APOC1: variants seen among roughly 807,000 people sequenced by gnomAD.
APOC1 encodes the protein apolipoprotein C1.
APOC1 carries 4 observed loss-of-function variants against 6.7 expected under a neutral mutation model. The observed-to-expected ratio is 0.60, with a 90% CI of 0.29 to 1.37. The LOEUF is 1.37. APOC1 is among the 40% of genes most tolerant of loss of function. The pLI, the probability that APOC1 is intolerant of heterozygous loss-of-function variation, is 0.09. For missense variants in APOC1, 122 were observed against 99.4 expected, an observed-to-expected ratio of 1.23 and a Z score of -0.97; for synonymous variants, 33 against 40.6, an observed-to-expected ratio of 0.81 and a Z score of 0.72.
intron 2 of APOC1, among the ~76,000 whole-genome samples, chr19:44,915,468 G>T (rs1969988007): frequency 6.6e-6 from 1 of 151,562 alleles, no homozygotes; most frequent in East Asian, 2.0e-4. Context: ...CCGCCACCGC[G>T]CCCGGCTAAT....
intron 3 of APOC1, among the ~76,000 whole-genome samples, chr19:44,917,886 A>C (rs1021105931): frequency 6.6e-6 from 1 of 151,928 alleles, no homozygotes. Context: ...AGGCAGGAGA[A>C]TCACTTGAAC....
rs764320631 is a variant in APOC1, at chr19:44,919,279, C to T, written c.*49C>T. On this transcript the variant is annotated 3_prime_UTR_variant, in exon 4 of 4. Coordinates refer to ENST00000592535, the MANE Select transcript of APOC1 (RefSeq NM_001645.5). ...GAGGGGCCTCTGAAATTTCCCACAC[C>T]CCAGCGCCTGTGCTGAGGACTCCCT... 7.1e-6 allele frequency: 11 copies of T among 1,553,048 alleles called. No individual in the cohort carries two copies. The highest frequency in any genetic ancestry group is 9.8e-6 in the Non-Finnish European group (11 of 1,125,080).
upstream of APOC1, chr19:44,914,427 A>G (rs1969967068): frequency 6.4e-6 from 1 of 156,800 alleles, no homozygotes; most frequent in African/African-American, 2.4e-5. Flanking sequence ...CTCCTGCTAC[A>G]TTCTGAGTGG....
chr19:44,918,337 C>CTTTTTTT (rs1200008263), intron 3 of APOC1, among the ~76,000 whole-genome samples: 7 of 90,308 alleles, frequency 7.8e-5, no homozygotes, highest in African/African-American at 2.6e-4. Flanking sequence ...TGAAGTGTTT[C>CTTTTTTT]TTTTTTTTTT....
rs555391310 is a variant in APOC1 at position 44,919,070 on chromosome 19, A to G, written c.195-103A>G. ...CTAATCCCACAGACAGTGGGGATGG[A>G]GATTCTGCAAGGGGAAGAGGTGGGA... On this transcript the variant is annotated intron_variant, in intron 3 of 3. Coordinates refer to ENST00000592535, the MANE Select transcript of APOC1 (RefSeq NM_001645.5). The G allele has an allele frequency of 4.1e-4, 421 of 1,021,162 alleles. 1 individual carries two copies. Among genetic ancestry groups the G allele is most frequent in the Middle Eastern group, 9.3e-4 (3 of 3,214 alleles). The allele number at this position is 1,021,162 out of a possible 1,614,324, so 63.3% of individuals were successfully genotyped here.
At chr19:44,916,732 A>G (rs1336878340) in intron 3 of APOC1, among the ~76,000 whole-genome samples, 1 of 140,324 alleles carries the variant, frequency 7.1e-6, no homozygotes, top group Non-Finnish European at 1.5e-5. Context: ...AGGCAGGGGA[A>G]TTGCTTGAAC....
chr19:44,916,313 C>T lies in APOC1; in HGVS notation c.182C>T (p.Ser61Phe), dbSNP rs1056943467. The T allele has an allele frequency of 1.2e-6, 2 of 1,613,730 alleles. No homozygotes were observed. Among genetic ancestry groups the T allele is most frequent in the African/African-American group, 1.3e-5 (1 of 74,820 alleles). Residue 61 changes from serine to phenylalanine, a missense_variant, in exon 3 of 4, where the codon TCT becomes TTT. Ser to Phe is a radical substitution (Grantham distance 155). Coordinates refer to ENST00000592535, the MANE Select transcript of APOC1 (RefSeq NM_001645.5). ...AGCCGCATCAAACAGAGTGAACTTT[C>T]TGCCAAGATGCGGTTAGAACCCTTC... Reference protein sequence around the residue: ...LISRIKQSELSAKMREWFSET... With the variant: ...LISRIKQSELFAKMREWFSET...
chr19:44,919,246 C>A lies in APOC1; in HGVS notation c.*16C>A. The A allele has an allele frequency of 6.2e-7, 1 of 1,612,808 alleles. No homozygotes were observed. Among genetic ancestry groups the A allele is most frequent in the Non-Finnish European group, 8.5e-7 (1 of 1,178,848 alleles). ...TGACTCATGAGGACCTGAAGGGTGA[C>A]ATCCCAGGAGGGGCCTCTGAAATTT... On this transcript the variant is annotated 3_prime_UTR_variant, in exon 4 of 4. Coordinates refer to ENST00000592535, the MANE Select transcript of APOC1 (RefSeq NM_001645.5).
chr19:44,918,939 G>T, intron 3 of APOC1: 2 of 555,762 alleles, frequency 3.6e-6, no homozygotes, highest in Non-Finnish European at 3.2e-6. Flanking sequence ...GATTACAGGC[G>T]TGAGCCAAAT....
rs769853852 is a variant in APOC1 at position 44,916,273 on chromosome 19, G to T, written c.142G>T (p.Ala48Ser). 1.2e-6 allele frequency: 2 copies of T among 1,614,038 alleles called. No individual in the cohort carries two copies. The highest frequency in any genetic ancestry group is 1.7e-6 in the Non-Finnish European group (2 of 1,180,014). ...KEFGNTLEDK[A>S]RELISRIKQS... ...GTTTGGAAACACACTGGAGGACAAG[G>T]CTCGGGAACTCATCAGCCGCATCAA... The change falls in exon 3 of 4, where the codon GCT (alanine) becomes TCT (serine). Residue 48 changes from alanine (A) to serine (S), a missense_variant. Coordinates refer to ENST00000592535, the MANE Select transcript of APOC1 (RefSeq NM_001645.5).
intron 3 of APOC1, chr19:44,916,575 A>G: frequency 1.8e-6 from 1 of 548,740 alleles, no homozygotes; most frequent in South Asian, 2.6e-5. Context: ...CCCAGCACTT[A>G]GGGAGGCCGA....
chr19:44,915,229 G>A (rs12691088), intron 2 of APOC1: 7,645 of 513,780 alleles, frequency 0.015, 89 homozygotes, highest in Non-Finnish European at 0.019. Context: ...TAAGCTGGGT[G>A]GGGGGCTCTG....
rs1224682587 is a variant in APOC1, at chr19:44,919,254, G to A, written c.*24G>A. Reference sequence around the variant, plus strand: ...GAGGACCTGAAGGGTGACATCCCAGGAGGGGCCTCTGAAATTTCCCACACC... The same window carrying A: ...GAGGACCTGAAGGGTGACATCCCAGAAGGGGCCTCTGAAATTTCCCACACC... On this transcript the variant is annotated 3_prime_UTR_variant, in exon 4 of 4. Coordinates refer to ENST00000592535, the MANE Select transcript of APOC1 (RefSeq NM_001645.5). The A allele has an allele frequency of 6.2e-7, 1 of 1,611,134 alleles. No individual in the cohort carries two copies. Among genetic ancestry groups the A allele is most frequent in the South Asian group, 1.1e-5 (1 of 91,018 alleles).
chr19:44,915,471 C>A (rs1969988097), intron 2 of APOC1, among the ~76,000 whole-genome samples: 1 of 151,584 alleles, frequency 6.6e-6, no homozygotes, highest in South Asian at 2.1e-4. Flanking sequence ...CCACCGCGCC[C>A]GGCTAATTTT....
At chr19:44,914,473 G>T, upstream of APOC1, 1 of 191,404 alleles carries the variant, frequency 5.2e-6, no homozygotes, top group Non-Finnish European at 1.1e-5. Context: ...ACCCCACAGA[G>T]TCAGGAAGAT....
rs402204 is a variant in APOC1 at position 44,914,872 on chromosome 19, A to G, written c.-20A>G. On this transcript the variant is annotated splice_region_variant and 5_prime_UTR_variant, in exon 2 of 4. Transcript: ENST00000592535. ...CCTGAACCCCTGCCTCTGCCTCCAG[A>G]GTGCCCCTCCGGCCTCGCCATGAGG... 26 of 1,613,448 alleles carry G rather than the reference A, an allele frequency of 1.6e-5. No individual in the cohort carries two copies. The highest frequency in any genetic ancestry group is 6.7e-5 in the East Asian group (3 of 44,894).
intron 2 of APOC1, 109 bp from the exon 3 acceptor site, chr19:44,916,068 TGGTGGTTGCAGTA>T: frequency 1.8e-6 from 2 of 1,126,932 alleles, no homozygotes; most frequent in South Asian, 3.6e-5. Flanking sequence ...ACCCGGGAGG[TGGTGGTTGCAGTA>T]GGCCGAGATC....
At chr19:44,916,454 C>A in intron 3 of APOC1, 129 bp downstream of exon 3, 4 of 1,226,916 alleles carry the variant, frequency 3.3e-6, no homozygotes, top group Non-Finnish European at 4.6e-6. Context: ...CCTCTGGTCA[C>A]ACAGCTAGAT....
At position 44,916,291 on chromosome 19, in the gene APOC1, C is replaced by A. The variant is rs1037466950; in HGVS notation, c.160C>A (p.Arg54Ser). Residue 54 changes from arginine (R) to serine (S), a missense_variant, in exon 3 of 4, where the codon CGC becomes AGC. Physicochemically the swap from Arg to Ser is moderately radical, Grantham distance 110 (BLOSUM62 -1). Coordinates refer to ENST00000592535, the MANE Select transcript of APOC1 (RefSeq NM_001645.5). ...GGACAAGGCTCGGGAACTCATCAGCCGCATCAAACAGAGTGAACTTTCTGC... is the reference window on the plus strand; with the variant it reads ...GGACAAGGCTCGGGAACTCATCAGCAGCATCAAACAGAGTGAACTTTCTGC... ...LEDKARELIS[R>S]IKQSELSAKM... The A allele has an allele frequency of 2.5e-6, 4 of 1,613,972 alleles. No individual in the cohort carries two copies. The highest frequency in any genetic ancestry group is 3.4e-6 in the Non-Finnish European group (4 of 1,180,010).
Sources: gnomAD v4.1 joint callset for allele counts (sites outside exome capture counted in the v4.1 genomes callset) on GRCh38, gnomAD v4.1.1 for gene constraint, MANE v1.5 for transcripts, NCBI Gene and HGNC (gene_info 2026-07-23, HGNC 2026-07-21) for gene names.